Variants in CSMD2 observed in about 807,000 individuals in gnomAD.
The protein encoded by CSMD2 is CUB and Sushi multiple domains 2, also known as CUB and sushi domain-containing protein 2.
CSMD2 carries 130 observed loss-of-function variants against 398.5 expected under a neutral mutation model. The observed-to-expected ratio is 0.33, with a 90% CI of 0.28 to 0.38. The LOEUF (loss-of-function observed/expected upper bound fraction) is 0.38. Among genes scored for constraint, CSMD2 ranks in the 10% least tolerant of loss-of-function variants. CSMD2 has a pLI of 1.00. For synonymous variants in CSMD2, 1,828 were observed against 1,908.5 expected (o/e 0.96, Z 1.10); for missense variants, 3,829 against 4,764.9 (o/e 0.80, Z 5.78).
At chr1:33,651,188 G>T (rs1268711769) in intron 28 of CSMD2, among the ~76,000 whole-genome samples, 1 of 152,124 alleles carries the variant, frequency 6.6e-6, no homozygotes, top group African/African-American at 2.4e-5. Context: ...CAGTAATTTA[G>T]ATGGGAAATG....
chr1:33,899,657 T>C (rs1456360916), intron 5 of CSMD2, among the ~76,000 whole-genome samples: 1 of 152,202 alleles, frequency 6.6e-6, no homozygotes, highest in Non-Finnish European at 1.5e-5. Flanking sequence ...TGGATTTATA[T>C]GTGAAAAATT....
chr1:33,523,174 C>T, intron 67 of CSMD2, 133 bp downstream of exon 67: 1 of 569,360 alleles, frequency 1.8e-6, no homozygotes, highest in Non-Finnish European at 3.2e-6. Context: ...TCTTGCTGCT[C>T]CTAGGCAGGG....
intron 12 of CSMD2, among the ~76,000 whole-genome samples, chr1:33,785,740 CTG>C (rs1328410308): frequency 6.6e-6 from 1 of 152,322 alleles, no homozygotes; most frequent in African/African-American, 2.4e-5. Context: ...TTGCAAGACA[CTG>C]TGAAAACCCT....
intron 46 of CSMD2, 125 bp downstream of exon 46, chr1:33,586,379 A>C: frequency 1.6e-6 from 1 of 631,066 alleles, no homozygotes; most frequent in South Asian, 1.7e-5. Context: ...AACATTTACC[A>C]AGTGACCTTT....
chr1:33,802,221 A>T (rs550628977), intron 10 of CSMD2, among the ~76,000 whole-genome samples: 1 of 152,308 alleles, frequency 6.6e-6, no homozygotes, highest in Admixed American at 6.5e-5. Flanking sequence ...CATGTGGAGT[A>T]GGCCTGCATC....
chr1:33,744,325 A>G (rs887965893), intron 13 of CSMD2, among the ~76,000 whole-genome samples: 3 of 152,202 alleles, frequency 2.0e-5, no homozygotes, highest in Admixed American at 2.0e-4. Context: ...TAGGTGTGCC[A>G]TGGGATTCTG....
chr1:34,076,928 A>AAAAAAAAAAAATAT (rs1232288848), intron 2 of CSMD2, among the ~76,000 whole-genome samples: 4 of 53,598 alleles, frequency 7.5e-5, no homozygotes, highest in African/African-American at 2.6e-4. Flanking sequence ...AAAAAAAAAA[A>AAAAAAAAAAAATAT]ATATATATAT....
intron 11 of CSMD2, among the ~76,000 whole-genome samples, chr1:33,792,169 C>T (rs924085162): frequency 3.9e-5 from 6 of 152,170 alleles, no homozygotes; most frequent in Middle Eastern, 3.2e-3. Flanking sequence ...CACAAAACCT[C>T]GATCTCCCCT....
chr1:33,810,918 T>C (rs1293323990), intron 9 of CSMD2, 54 bp from the exon 10 acceptor site: 3 of 1,592,338 alleles, frequency 1.9e-6, no homozygotes, highest in Non-Finnish European at 2.6e-6. Context: ...CCAGTTCCCC[T>C]TCTTGCCTCC....
intron 1 of CSMD2, among the ~76,000 whole-genome samples, chr1:34,116,069 A>G (rs1014442095): frequency 1.3e-5 from 2 of 152,078 alleles, no homozygotes; most frequent in Non-Finnish European, 2.9e-5. Context: ...CACACAGAAA[A>G]CAATAAGAAA....
At chr1:33,746,307 GA>G (rs1238453647) in intron 13 of CSMD2, among the ~76,000 whole-genome samples, 2 of 152,162 alleles carry the variant, frequency 1.3e-5, no homozygotes, top group Non-Finnish European at 2.9e-5. Flanking sequence ...CTTGAAGGCA[GA>G]GGGGGCAAGT....
intron 5 of CSMD2, among the ~76,000 whole-genome samples, chr1:33,888,105 G>C (rs1019702578): frequency 6.6e-6 from 1 of 151,946 alleles, no homozygotes; most frequent in Non-Finnish European, 1.5e-5. Flanking sequence ...TTTTATTCAA[G>C]ATCATTAAAA....
intron 15 of CSMD2, among the ~76,000 whole-genome samples, chr1:33,731,723 G>A (rs552624130): frequency 6.6e-6 from 1 of 152,216 alleles, no homozygotes; most frequent in African/African-American, 2.4e-5. Context: ...AGCTAACAAG[G>A]ATACTGACTT....
chr1:33,517,196 T>A (rs903217), intron 70 of CSMD2, among the ~76,000 whole-genome samples: 53,709 of 151,998 alleles, frequency 0.35, 9,593 homozygotes, highest in Middle Eastern at 0.45. Context: ...TGTGTGTGTG[T>A]CTGTTCAGGG....
intron 2 of CSMD2, among the ~76,000 whole-genome samples, chr1:34,039,418 C>T (rs1651568311): frequency 6.6e-6 from 1 of 152,230 alleles, no homozygotes. Flanking sequence ...GAATCTGCAG[C>T]ATGAGCAAGA....
upstream of CSMD2, chr1:34,165,785 G>A: frequency 6.2e-7 from 1 of 1,613,894 alleles, no homozygotes; most frequent in Non-Finnish European, 8.5e-7. Context: ...TTGCCATCTA[G>A]GGCCGGGGGC....
At chr1:33,959,314 C>T (rs768970130) in intron 3 of CSMD2, among the ~76,000 whole-genome samples, 1 of 152,152 alleles carries the variant, frequency 6.6e-6, no homozygotes, top group Non-Finnish European at 1.5e-5. Context: ...ATCGTGTATG[C>T]CTCATCCTTA....
intron 1 of CSMD2, among the ~76,000 whole-genome samples, chr1:34,161,697 T>C (rs771124): frequency 0.88 from 134,007 of 152,170 alleles, 59,227 homozygotes; most frequent in African/African-American, 0.91. Context: ...GAGACAGAGG[T>C]TGAAGTAAGG....
intron 24 of CSMD2, among the ~76,000 whole-genome samples, chr1:33,697,992 G>T (rs963438279): frequency 2.0e-5 from 3 of 152,244 alleles, no homozygotes; most frequent in East Asian, 1.9e-4. Context: ...CATGGGGAAG[G>T]GGGTGGAGAG....
Sources: allele counts gnomAD v4.1 joint callset (sites outside exome capture counted in the v4.1 genomes callset), GRCh38; gene constraint gnomAD v4.1.1; transcripts MANE v1.5; gene names NCBI Gene and HGNC (gene_info 2026-07-23, HGNC 2026-07-21).